Variants in MED23 observed in about 807,000 individuals in gnomAD.
MED23 encodes the protein mediator complex subunit 23.
Under a neutral mutation model 163.9 loss-of-function variants are expected in MED23, and 105 were observed. That is an observed-to-expected ratio of 0.64 (90% CI 0.55 to 0.75). MED23 has a LOEUF of 0.75. Ranked by LOEUF, MED23 falls within the 30% of genes least tolerant of loss-of-function variation. MED23 has a pLI of 0.00. For missense variants in MED23, 1,054 were observed against 1,649.0 expected (o/e 0.64, Z 6.25); for synonymous variants, 561 against 565.6 (o/e 0.99, Z 0.12).
intron 28 of MED23, among the ~76,000 whole-genome samples, chr6:131,588,883 C>T (rs185084295): frequency 6.6e-6 from 1 of 152,302 alleles, no homozygotes; most frequent in Admixed American, 6.5e-5. Flanking sequence ...TTCATACACC[C>T]TCTAAAGTGA....
intron 3 of MED23, among the ~76,000 whole-genome samples, chr6:131,626,461 G>T (rs1777509806): frequency 6.6e-6 from 1 of 152,036 alleles, no homozygotes; most frequent in African/African-American, 2.4e-5. Flanking sequence ...TGGACTGATA[G>T]GGAATTACCT....
At chr6:131,610,330 C>G (rs1434152149) in intron 10 of MED23, 84 bp from the exon 11 acceptor site, 2 of 1,329,666 alleles carry the variant, frequency 1.5e-6, no homozygotes, top group Admixed American at 1.9e-5. Flanking sequence ...TTAATTGTAA[C>G]AAGAGGCTGA....
intron 10 of MED23, chr6:131,615,390 A>G: frequency 6.3e-7 from 1 of 1,589,670 alleles, no homozygotes. Flanking sequence ...AACAAAAATA[A>G]AGGAAGAAAA....
chr6:131,581,620 G>T (rs139025033), intron 30 of MED23, among the ~76,000 whole-genome samples: 4 of 152,186 alleles, frequency 2.6e-5, no homozygotes, highest in Admixed American at 2.0e-4. Flanking sequence ...TAGTAGGTGG[G>T]GCAGAGAGTA....
At chr6:131,578,381 C>T (rs559600456) in intron 30 of MED23, among the ~76,000 whole-genome samples, 61 of 152,112 alleles carry the variant, frequency 4.0e-4, no homozygotes, top group African/African-American at 1.4e-3. Flanking sequence ...TTCAGAACAC[C>T]GAACTGAATC....
chr6:131,618,732 A>G (rs1390488670), intron 8 of MED23, among the ~76,000 whole-genome samples: 1 of 152,238 alleles, frequency 6.6e-6, no homozygotes, highest in East Asian at 1.9e-4. Context: ...AAAGTTGAAA[A>G]TATCGCATTT....
At chr6:131,574,281 T>A in exon 31 of MED23, 7 of 1,614,014 alleles carry the variant, frequency 4.3e-6, no homozygotes, top group Non-Finnish European at 5.9e-6. Context: ...CCTTGCTGTG[T>A]ACTCTGACTT....
At chr6:131,620,849 T>C in intron 6 of MED23, 120 bp from the exon 7 acceptor site, 1 of 593,760 alleles carries the variant, frequency 1.7e-6, no homozygotes. Flanking sequence ...TTGCCCAGGC[T>C]TGGAGTGCAG....
chr6:131,583,243 C>A, downstream of MED23: 8 of 1,598,014 alleles, frequency 5.0e-6, 1 homozygote, highest in South Asian at 8.8e-5. Context: ...TTAATAAAGT[C>A]TTTACATGAA....
intron 5 of MED23, 113 bp downstream of exon 5, chr6:131,623,238 G>A: frequency 2.2e-6 from 2 of 895,954 alleles, no homozygotes; most frequent in Non-Finnish European, 3.6e-6. Context: ...ACAAGAAATA[G>A]ACAGATTTTG....
chr6:131,574,503 CTCACAAAAGGGAAGCAAG>C (rs1773519389), intron 30 of MED23, among the ~76,000 whole-genome samples: 4 of 152,104 alleles, frequency 2.6e-5, no homozygotes, highest in African/African-American at 9.7e-5. Flanking sequence ...ATTTAAAAAC[CTCACAAAAGGGAAGCAAG>C]TGTCCTCCTT....
At chr6:131,581,240 T>C in intron 30 of MED23, 1 of 1,613,934 alleles carries the variant, frequency 6.2e-7, no homozygotes, top group Non-Finnish European at 8.5e-7. Context: ...GAAGCATCTC[T>C]GGCCATGCCA....
At chr6:131,582,769 G>A, downstream of MED23, 1 of 1,502,324 alleles carries the variant, frequency 6.7e-7, no homozygotes, top group South Asian at 1.1e-5. Flanking sequence ...TTGTGTGCTA[G>A]ATATGCTTTA....
intron 30 of MED23, chr6:131,579,089 A>G (rs957228613): frequency 1.2e-6 from 2 of 1,613,402 alleles, no homozygotes; most frequent in African/African-American, 2.7e-5. Context: ...TAATTTAGTA[A>G]CTCAAAACTT....
intron 10 of MED23, among the ~76,000 whole-genome samples, chr6:131,611,466 G>C (rs1391642558): frequency 2.0e-5 from 3 of 151,970 alleles, no homozygotes; most frequent in Admixed American, 6.6e-5. Flanking sequence ...TTTACAAATA[G>C]CAATATTAAC....
Position 131,627,116 on chromosome 6 carries a change from A to G in MED23, c.159+280T>C, listed in dbSNP as rs1434043251. ...TTTCAAGTGTACCAAATAAATCCGA[A>G]TAGGATGAAAATGATCTCAATTAAT... On this transcript the variant is annotated intron_variant, in intron 3 of 28. Transcript: ENST00000368068. The G allele has an allele frequency of 4.1e-5, 15 of 364,420 alleles. No homozygotes were observed. The East Asian group carries it at 7.2e-4, about 18-fold the overall frequency. The allele number at this position is 364,420 out of a possible 1,614,324, so 22.6% of individuals were successfully genotyped here. A position where few individuals can be genotyped will look rare whatever the true frequency, so the allele number is the denominator to read the frequency against.
At position 131,600,168 on chromosome 6, in the gene MED23, CA is replaced by C. The variant is rs1775359631; in HGVS notation, c.2096-7del. 6.2e-7 allele frequency: 1 copy of C among 1,600,670 alleles called. No individual in the cohort carries two copies. Among genetic ancestry groups the C allele is most frequent in the African/African-American group, 1.3e-5 (1 of 74,590 alleles). On this transcript the variant is annotated splice_region_variant and splice_polypyrimidine_tract_variant and intron_variant, in intron 17 of 28. Transcript: ENST00000368068. ...ATCAGAGCCTGTAAAAAAATCTAAA[CA>C]TAAACAAATAGATGTAATCCAGATA...
chr6:131,575,282 A>G (rs747331744), intron 30 of MED23, among the ~76,000 whole-genome samples: 15 of 152,224 alleles, frequency 9.9e-5, no homozygotes, highest in Non-Finnish European at 1.8e-4. Flanking sequence ...TGTCAGCTCT[A>G]CACTACAAAA....
intron 13 of MED23, among the ~76,000 whole-genome samples, chr6:131,606,063 G>T (rs1003294460): frequency 1.3e-5 from 2 of 152,054 alleles, no homozygotes; most frequent in African/African-American, 2.4e-5. Flanking sequence ...ATATTAAGGG[G>T]CATGCCAGCC....
Sources: gnomAD v4.1 joint callset for allele counts (sites outside exome capture counted in the v4.1 genomes callset) on GRCh38, gnomAD v4.1.1 for gene constraint, MANE v1.5 for transcripts, NCBI Gene and HGNC (gene_info 2026-07-23, HGNC 2026-07-21) for gene names.